GBE1: variants seen among roughly 807,000 people sequenced by gnomAD.
The protein encoded by GBE1 is 1,4-alpha-glucan branching enzyme 1.
In GBE1, 70 loss-of-function variants were observed where a neutral mutation model predicts 88.8. That is an observed-to-expected ratio of 0.79 (90% confidence interval 0.65 to 0.96). The LOEUF is 0.96. Among genes scored for constraint, GBE1 ranks in the 40% least tolerant of loss-of-function variants. The pLI is 0.00. For missense variants in GBE1, 872 were observed against 871.0 expected (o/e 1.00, Z -0.01); for synonymous variants, 284 against 300.1 (o/e 0.95, Z 0.56).
rs541738982 is a variant in GBE1, at chr3:81,675,233, G to C, written c.314-4280C>G. Among the ~76,000 whole-genome samples, 13 of 152,036 alleles carry C rather than the reference G, an allele frequency of 8.6e-5. No individual in the cohort carries two copies. In the South Asian group the frequency reaches 1.9e-3, roughly 22 times the overall value. On this transcript the variant is annotated intron_variant, in intron 2 of 15. Coordinates refer to ENST00000429644, the MANE Select transcript of GBE1 (RefSeq NM_000158.4). ...TTTCTAGATGAAGTTAAACTAAAAG[G>C]CTATCAAATAATATAATATATCAAC...
intron 7 of GBE1, among the ~76,000 whole-genome samples, chr3:81,608,516 C>T (rs887755246): frequency 1.3e-5 from 2 of 152,108 alleles, no homozygotes; most frequent in East Asian, 1.9e-4. Flanking sequence ...CTAAAGGTCA[C>T]GGAATACGTT....
chr3:81,560,803 T>C (rs951373107), intron 12 of GBE1, among the ~76,000 whole-genome samples: 3 of 152,022 alleles, frequency 2.0e-5, no homozygotes, highest in African/African-American at 7.2e-5. Context: ...AATTCCTTCG[T>C]AAAAACTGAA....
Position 81,499,117 on chromosome 3 carries a change from G to GAAT in GBE1, c.2042_2044dup (p.Tyr681dup), listed in dbSNP as rs1317876505. The stretch of plus-strand genomic sequence containing the variant: ...GTTGAGAAACTTACTTACCAAAAGA[G>GAAT]AATAGGGACGCCCATTATGTTCAAA... On this transcript the variant is annotated inframe_insertion, in exon 15 of 16. Coordinates refer to ENST00000429644, the MANE Select transcript of GBE1 (RefSeq NM_000158.4). 1 of 1,565,808 alleles carries GAAT rather than the reference G, an allele frequency of 6.4e-7. No homozygotes were observed. The highest frequency in any genetic ancestry group is 1.7e-5 in the Admixed American group (1 of 59,014).
chr3:81,714,743 G>A (rs1417822335), intron 1 of GBE1, among the ~76,000 whole-genome samples: 3 of 152,152 alleles, frequency 2.0e-5, no homozygotes, highest in Non-Finnish European at 4.4e-5. Context: ...TAAAAAACAA[G>A]CATTTATTTC....
chr3:81,540,144 T>C (rs1326314267), intron 12 of GBE1, among the ~76,000 whole-genome samples: 2 of 151,780 alleles, frequency 1.3e-5, no homozygotes, highest in South Asian at 2.1e-4. Flanking sequence ...TACCGAAAAA[T>C]AAAATCATAA....
intron 14 of GBE1, among the ~76,000 whole-genome samples, chr3:81,503,242 T>C (rs1473868117): frequency 6.6e-6 from 1 of 152,116 alleles, no homozygotes; most frequent in Non-Finnish European, 1.5e-5. Context: ...AAAGGGAGAT[T>C]AGGCATGCAT....
Position 81,591,054 on chromosome 3 carries a change from A to T in GBE1, c.1219T>A (p.Ser407Thr). The T allele has an allele frequency of 6.2e-7, 1 of 1,609,880 alleles. No individual in the cohort carries two copies. Among genetic ancestry groups the T allele is most frequent in the South Asian group, 1.1e-5 (1 of 90,250 alleles). The change falls in exon 9 of 16, where the codon TCT becomes ACT. Residue 407 changes from serine to threonine, a missense_variant. Physicochemically the swap from Ser to Thr is moderately conservative, Grantham distance 58. Transcript: ENST00000429644. ...GGCTTTACCTCAGCTATTGTTATAG[A>T]ATCGGGACACAGCGTGTGAACCAAA... ...NHLVHTLCPD[S>T]ITIAEDVSGM...
chr3:81,629,608 C>G (rs1385650267), intron 7 of GBE1, among the ~76,000 whole-genome samples: 1 of 152,176 alleles, frequency 6.6e-6, no homozygotes, highest in Non-Finnish European at 1.5e-5. Flanking sequence ...CTTCAGACTA[C>G]TTGCTATACC....
intron 14 of GBE1, among the ~76,000 whole-genome samples, chr3:81,525,258 C>T (rs1702928020): frequency 6.6e-6 from 1 of 151,902 alleles, no homozygotes; most frequent in Non-Finnish European, 1.5e-5. Flanking sequence ...TGAATTTTGT[C>T]AAAGGCCTTT....
intron 7 of GBE1, among the ~76,000 whole-genome samples, chr3:81,610,805 T>C (rs1704169503): frequency 6.6e-6 from 1 of 152,122 alleles, no homozygotes. Context: ...GTTTTATAAT[T>C]TTGAAGAACT....
chr3:81,747,810 A>C (rs2107227797), intron 1 of GBE1, among the ~76,000 whole-genome samples: 1 of 151,538 alleles, frequency 6.6e-6, no homozygotes, highest in South Asian at 2.1e-4. Flanking sequence ...CCAGAGAACA[A>C]CCCCCTTTGA....
chr3:81,625,657 G>A (rs1704404105), intron 7 of GBE1, among the ~76,000 whole-genome samples: 1 of 152,080 alleles, frequency 6.6e-6, no homozygotes, highest in South Asian at 2.1e-4. Context: ...ACCTAGGGTG[G>A]TCTTAAACTC....
intron 14 of GBE1, among the ~76,000 whole-genome samples, chr3:81,526,774 C>A (rs1200395968): frequency 6.6e-6 from 1 of 152,036 alleles, no homozygotes; most frequent in Admixed American, 6.6e-5. Context: ...GAATCAATAT[C>A]ATGAAAATGG....
chr3:81,584,636 T>C (rs557420861), intron 10 of GBE1, among the ~76,000 whole-genome samples: 19 of 151,798 alleles, frequency 1.3e-4, no homozygotes, highest in Admixed American at 2.6e-4. Flanking sequence ...AAATTTAGGA[T>C]AAAATATTTT....
chr3:81,620,254 C>CCCCT (rs1704306885), intron 7 of GBE1, among the ~76,000 whole-genome samples: 2 of 151,290 alleles, frequency 1.3e-5, no homozygotes, highest in African/African-American at 4.9e-5. Flanking sequence ...ACGATCTCTG[C>CCCCT]CCACTGCACC....
intron 1 of GBE1, among the ~76,000 whole-genome samples, chr3:81,744,335 T>C (rs1195299031): frequency 1.3e-5 from 2 of 152,162 alleles, no homozygotes; most frequent in South Asian, 2.1e-4. Context: ...TTAGGTTGAA[T>C]AGTGTAAAAA....
chr3:81,591,596 T>C (rs578160595), intron 8 of GBE1, among the ~76,000 whole-genome samples: 2 of 152,224 alleles, frequency 1.3e-5, no homozygotes, highest in South Asian at 4.2e-4. Context: ...ATAATATTTA[T>C]ATATTATTTC....
rs143731318 is a variant in GBE1 at position 81,657,071 on chromosome 3, G to A, written c.430-7150C>T. Among the ~76,000 whole-genome samples, 643 of 147,688 alleles carry A rather than the reference G, an allele frequency of 4.4e-3. 3 individuals are homozygous for A. Among genetic ancestry groups the A allele is most frequent in the African/African-American group, 0.016 (613 of 39,504 alleles). ...CTCGGGAGGCTGAAACAGGAGAATT[G>A]CTTGAACCTTTCAGGCAGAGGTTGC... On this transcript the variant is annotated intron_variant, in intron 3 of 15. Transcript: ENST00000429644.
At chr3:81,661,855 G>A (rs1199119007) in intron 3 of GBE1, among the ~76,000 whole-genome samples, 1 of 152,044 alleles carries the variant, frequency 6.6e-6, no homozygotes, top group Non-Finnish European at 1.5e-5. Flanking sequence ...TCAGGTTACA[G>A]GGAATATATT....
Sources: gnomAD v4.1 joint callset for allele counts (sites outside exome capture counted in the v4.1 genomes callset) on GRCh38, gnomAD v4.1.1 for gene constraint, MANE v1.5 for transcripts, NCBI Gene and HGNC (gene_info 2026-07-23, HGNC 2026-07-21) for gene names.